Variants in WWOX observed in about 807,000 individuals in gnomAD.
The protein encoded by WWOX is WW domain containing oxidoreductase.
A neutral mutation model predicts 46.2 loss-of-function variants in WWOX; 69 were observed. The observed-to-expected ratio is 1.49, with a 90% CI of 1.23 to 1.82. The LOEUF is 1.82. Ranked by LOEUF, WWOX falls within the 40% of genes most tolerant of loss-of-function variation. The pLI is 0.00. For synonymous variants in WWOX, 359 were observed against 202.6 expected, an observed-to-expected ratio of 1.77 and a Z score of -6.56; for missense variants, 919 against 542.6, an observed-to-expected ratio of 1.69 and a Z score of -6.89.
chr16:78,451,598 A>G (rs993973806), intron 8 of WWOX, among the ~76,000 whole-genome samples: 33 of 152,016 alleles, frequency 2.2e-4, no homozygotes, highest in African/African-American at 7.5e-4. Context: ...TTTCTTTTTC[A>G]CTGTAAAATG....
chr16:78,560,499 C>T (rs2044410099), intron 8 of WWOX, among the ~76,000 whole-genome samples: 1 of 152,030 alleles, frequency 6.6e-6, no homozygotes, highest in South Asian at 2.1e-4. Context: ...CAAAAATTAG[C>T]CGGGTGTGGC....
chr16:79,145,561 G>A (rs2050168977), intron 8 of WWOX, among the ~76,000 whole-genome samples: 1 of 152,086 alleles, frequency 6.6e-6, no homozygotes, highest in Non-Finnish European at 1.5e-5. Flanking sequence ...TCAGAAACTA[G>A]ACAAGAATAT....
At chr16:78,425,786 G>T (rs969148603) in intron 7 of WWOX, among the ~76,000 whole-genome samples, 3 of 152,060 alleles carry the variant, frequency 2.0e-5, no homozygotes, top group African/African-American at 7.2e-5. Context: ...TCTCTTTCAC[G>T]TTTGCTTGGT....
intron 8 of WWOX, among the ~76,000 whole-genome samples, chr16:78,962,955 A>G (rs1252398637): frequency 6.6e-6 from 1 of 152,110 alleles, no homozygotes; most frequent in Admixed American, 6.5e-5. Context: ...TGCCCACGAT[A>G]TTTCATTCTT....
At chr16:78,757,760 C>T (rs1195792208) in intron 8 of WWOX, among the ~76,000 whole-genome samples, 1 of 151,098 alleles carries the variant, frequency 6.6e-6, no homozygotes, top group Non-Finnish European at 1.5e-5. Context: ...AATAATCTTT[C>T]TGATTGACAG....
intron 8 of WWOX, among the ~76,000 whole-genome samples, chr16:78,690,949 C>G (rs911817223): frequency 6.6e-6 from 1 of 152,130 alleles, no homozygotes; most frequent in African/African-American, 2.4e-5. Flanking sequence ...TAGTGTTTAT[C>G]CATTTGTGAA....
intron 8 of WWOX, among the ~76,000 whole-genome samples, chr16:78,951,019 C>G (rs953489772): frequency 6.6e-6 from 1 of 152,172 alleles, no homozygotes; most frequent in Non-Finnish European, 1.5e-5. Flanking sequence ...CATCTCAGGC[C>G]AGACATTGTA....
intron 8 of WWOX, among the ~76,000 whole-genome samples, chr16:78,442,671 T>C (rs1057481149): frequency 1.3e-5 from 2 of 152,114 alleles, no homozygotes; most frequent in Non-Finnish European, 2.9e-5. Context: ...TTCTCCCTGT[T>C]AACATTGAAC....
chr16:78,630,136 T>G (rs1322654124), intron 8 of WWOX, among the ~76,000 whole-genome samples: 1 of 151,996 alleles, frequency 6.6e-6, no homozygotes, highest in Non-Finnish European at 1.5e-5. Context: ...CAAAAATAAT[T>G]GTTGAATGAA....
chr16:78,515,192 C>G (rs1450773827), intron 8 of WWOX, among the ~76,000 whole-genome samples: 1 of 152,190 alleles, frequency 6.6e-6, no homozygotes, highest in African/African-American at 2.4e-5. Context: ...TCACTGCACT[C>G]CAGCCTAGGC....
In WWOX at chr16:78,225,369, G is replaced by A. The variant is rs76594727; in HGVS notation, c.516+61080G>A. On this transcript the variant is annotated intron_variant, in intron 5 of 8. Coordinates refer to ENST00000566780, the MANE Select transcript of WWOX (RefSeq NM_016373.4). ...ATTGACTGAAATGTTGGTATGAGGT[G>A]TATGACTATGTTTTCTCATGACCTC... 8.3e-3 allele frequency among the ~76,000 whole-genome samples: 1,268 copies of A among 152,274 alleles called. 17 individuals are homozygous for A. The highest frequency in any genetic ancestry group is 0.029 in the African/African-American group (1,215 of 41,556).
chr16:78,479,025 A>G (rs971437808), intron 8 of WWOX, among the ~76,000 whole-genome samples: 1 of 152,210 alleles, frequency 6.6e-6, no homozygotes, highest in Non-Finnish European at 1.5e-5. Flanking sequence ...TGACTGTAGG[A>G]ATCACCAATT....
At position 78,381,767 on chromosome 16, in the gene WWOX, A is replaced by G. The variant is rs149577294; in HGVS notation, c.517-5093A>G. ...GATGGATGATTGGATGGATGGATGAATGGATAGGTAGGTGGGAAGATAAAT... is the reference window on the plus strand; with the variant it reads ...GATGGATGATTGGATGGATGGATGAGTGGATAGGTAGGTGGGAAGATAAAT... On this transcript the variant is annotated intron_variant, in intron 5 of 8. Transcript: ENST00000566780. Among the ~76,000 whole-genome samples, 11 of 152,264 alleles carry G rather than the reference A, an allele frequency of 7.2e-5. No homozygotes were observed. The East Asian group carries it at 2.1e-3, about 29-fold the overall frequency.
chr16:78,866,264 G>T (rs188707046), intron 8 of WWOX, among the ~76,000 whole-genome samples: 190 of 152,100 alleles, frequency 1.2e-3, no homozygotes, highest in African/African-American at 4.3e-3. Context: ...ATGCCTCGCT[G>T]TGCCACCAGG....
chr16:78,364,330 T>C (rs1218911988), intron 5 of WWOX, among the ~76,000 whole-genome samples: 1 of 152,214 alleles, frequency 6.6e-6, no homozygotes, highest in East Asian at 1.9e-4. Context: ...GGTTGGTCTC[T>C]GAACTAAGGC....
intron 8 of WWOX, among the ~76,000 whole-genome samples, chr16:78,914,329 T>C (rs2045190418): frequency 6.6e-6 from 1 of 152,094 alleles, no homozygotes; most frequent in East Asian, 1.9e-4. Context: ...TGTCCACTCA[T>C]GTCTTCAGCA....
intron 8 of WWOX, among the ~76,000 whole-genome samples, chr16:78,751,041 A>G (rs367978066): frequency 3.3e-5 from 5 of 152,062 alleles, no homozygotes; most frequent in Non-Finnish European, 5.9e-5. Context: ...TGGTAATTCT[A>G]TTTTTAGACC....
At position 78,663,456 on chromosome 16, in the gene WWOX, G is replaced by T. The variant is rs540155628; in HGVS notation, c.1056+230704G>T. Among the ~76,000 whole-genome samples the T allele has an allele frequency of 6.6e-5, 10 of 152,182 alleles. No homozygotes were observed. In the South Asian group the frequency reaches 2.1e-3, roughly 32 times the overall value. Reference sequence around the variant, plus strand: ...GTCATTCCCACTTTCTGGCTATTATGAATAATACTGCGATATGAACATCTG... The same window carrying T: ...GTCATTCCCACTTTCTGGCTATTATTAATAATACTGCGATATGAACATCTG... On this transcript the variant is annotated intron_variant, in intron 8 of 8. Coordinates refer to ENST00000566780, the MANE Select transcript of WWOX (RefSeq NM_016373.4).
chr16:78,463,102 T>C (rs990889924), intron 8 of WWOX, among the ~76,000 whole-genome samples: 61 of 152,206 alleles, frequency 4.0e-4, no homozygotes, highest in African/African-American at 1.4e-3. Context: ...GTCAGATCCG[T>C]ATCCCACTGC....
Sources: allele counts gnomAD v4.1 joint callset (sites outside exome capture counted in the v4.1 genomes callset), GRCh38; gene constraint gnomAD v4.1.1; transcripts MANE v1.5; gene names NCBI Gene and HGNC (gene_info 2026-07-23, HGNC 2026-07-21).